The following CDH18 variants were observed in gnomAD, a reference collection of about 807,000 sequenced individuals.
The protein encoded by CDH18 is cadherin 18.
CDH18 carries 31 observed loss-of-function variants against 67.9 expected under a neutral mutation model. The observed-to-expected ratio is 0.46, with a 90% CI of 0.34 to 0.62. The LOEUF is 0.62. CDH18 is among the 20% of genes least tolerant of loss of function. The pLI is 0.01. For missense variants in CDH18, 890 were observed against 975.5 expected (o/e 0.91, Z 1.17); for synonymous variants, 362 against 347.2 (o/e 1.04, Z -0.48).
At chr5:20,319,022 A>T (rs1026672255) in intron 1 of CDH18, among the ~76,000 whole-genome samples, 4 of 152,116 alleles carry the variant, frequency 2.6e-5, no homozygotes, top group Non-Finnish European at 5.9e-5. Flanking sequence ...TTGGAATAGG[A>T]CCCCACGGTC....
At chr5:20,343,906 T>C (rs774893050) in intron 1 of CDH18, among the ~76,000 whole-genome samples, 2 of 152,136 alleles carry the variant, frequency 1.3e-5, no homozygotes, top group Non-Finnish European at 2.9e-5. Context: ...CAAAAGAGGA[T>C]GGGTAAAATA....
chr5:19,495,397 T>G (rs1000601832), intron 11 of CDH18, among the ~76,000 whole-genome samples: 1 of 152,116 alleles, frequency 6.6e-6, no homozygotes, highest in Admixed American at 6.6e-5. Context: ...ATACGCAGTT[T>G]TTGATCGACA....
chr5:19,604,103 T>C (rs1747630369), intron 6 of CDH18, among the ~76,000 whole-genome samples: 1 of 151,930 alleles, frequency 6.6e-6, no homozygotes, highest in South Asian at 2.1e-4. Flanking sequence ...AAGGAAGACA[T>C]GGTGGGAATA....
chr5:20,161,632 A>G (rs959789573), intron 2 of CDH18, among the ~76,000 whole-genome samples: 1 of 151,982 alleles, frequency 6.6e-6, no homozygotes, highest in Admixed American at 6.6e-5. Context: ...AGTTTCTTAA[A>G]CTCAGTTATG....
chr5:19,653,814 A>G (rs1755930114), intron 5 of CDH18, among the ~76,000 whole-genome samples: 1 of 152,098 alleles, frequency 6.6e-6, no homozygotes, highest in Non-Finnish European at 1.5e-5. Flanking sequence ...CATTCTTGTG[A>G]TGGCCTGCAC....
At chr5:20,123,477 T>C (rs1406731966) in intron 2 of CDH18, among the ~76,000 whole-genome samples, 1 of 152,186 alleles carries the variant, frequency 6.6e-6, no homozygotes, top group Admixed American at 6.5e-5. Flanking sequence ...GTCTTAGACC[T>C]ATTTCACAGG....
At chr5:19,853,107 G>A (rs1581652119) in intron 2 of CDH18, among the ~76,000 whole-genome samples, 1 of 152,246 alleles carries the variant, frequency 6.6e-6, no homozygotes, top group East Asian at 1.9e-4. Context: ...AAACACCATA[G>A]TGTAGGTGGC....
At chr5:19,980,403 T>G (rs1244385651) in intron 2 of CDH18, among the ~76,000 whole-genome samples, 2 of 152,190 alleles carry the variant, frequency 1.3e-5, no homozygotes. Flanking sequence ...AGATGTTTTT[T>G]TAATTAAGGA....
intron 1 of CDH18, among the ~76,000 whole-genome samples, chr5:20,444,857 G>C (rs961675048): frequency 5.3e-5 from 8 of 150,910 alleles, no homozygotes; most frequent in African/African-American, 1.7e-4. Context: ...TAAGAGAGAT[G>C]CTTCCAGTCT....
intron 1 of CDH18, among the ~76,000 whole-genome samples, chr5:20,521,084 GAGA>G (rs996920747): frequency 6.6e-5 from 10 of 152,114 alleles, no homozygotes; most frequent in Admixed American, 2.6e-4. Context: ...AAGCCCTAGA[GAGA>G]AGATTAAAAA....
intron 2 of CDH18, among the ~76,000 whole-genome samples, chr5:20,018,225 G>A (rs1172768537): frequency 6.6e-6 from 1 of 152,152 alleles, no homozygotes; most frequent in African/African-American, 2.4e-5. Context: ...TTAATGCATT[G>A]TAAATCCAGA....
chr5:20,519,445 G>A (rs928313901), intron 1 of CDH18, among the ~76,000 whole-genome samples: 4 of 152,068 alleles, frequency 2.6e-5, no homozygotes, highest in Non-Finnish European at 4.4e-5. Context: ...ACAGGAAGGG[G>A]AACATCACAC....
At chr5:19,500,045 G>A (rs1170868675) in intron 11 of CDH18, among the ~76,000 whole-genome samples, 1 of 151,342 alleles carries the variant, frequency 6.6e-6, no homozygotes. Flanking sequence ...AACTTACATA[G>A]GCACAGAAAA....
chr5:19,830,328 T>C (rs62355794), intron 3 of CDH18, among the ~76,000 whole-genome samples: 12,405 of 151,928 alleles, frequency 0.082, 521 homozygotes, highest in African/African-American at 0.1. Context: ...ATATGAAAAT[T>C]AAACAAATTA....
chr5:19,566,121 G>T (rs1210115804), intron 8 of CDH18, among the ~76,000 whole-genome samples: 1 of 151,964 alleles, frequency 6.6e-6, no homozygotes, highest in African/African-American at 2.4e-5. Context: ...CATATAAAAA[G>T]GTGCTTAACA....
At chr5:20,458,561 T>C (rs1751000807) in intron 1 of CDH18, among the ~76,000 whole-genome samples, 1 of 152,138 alleles carries the variant, frequency 6.6e-6, no homozygotes. Context: ...GAGTTTGCAG[T>C]GAGCTGAGGT....
intron 1 of CDH18, among the ~76,000 whole-genome samples, chr5:20,382,414 T>C (rs1316457015): frequency 2.0e-5 from 3 of 151,796 alleles, no homozygotes; most frequent in African/African-American, 4.8e-5. Flanking sequence ...TGCAGAAGAG[T>C]GGTATAGAAT....
At chr5:20,482,689 T>C (rs936434749) in intron 1 of CDH18, among the ~76,000 whole-genome samples, 8 of 152,124 alleles carry the variant, frequency 5.3e-5, no homozygotes, top group African/African-American at 1.9e-4. Context: ...ATAATTTAAA[T>C]TGATGCTGAA....
At chr5:20,400,659 G>A (rs1228445251) in intron 1 of CDH18, among the ~76,000 whole-genome samples, 2 of 151,356 alleles carry the variant, frequency 1.3e-5, no homozygotes, top group Admixed American at 6.6e-5. Flanking sequence ...CTGCTCAGGA[G>A]GCTGAGGCAC....
Sources: allele counts gnomAD v4.1 joint callset (sites outside exome capture counted in the v4.1 genomes callset), GRCh38; gene constraint gnomAD v4.1.1; transcripts MANE v1.5; gene names NCBI Gene and HGNC (gene_info 2026-07-23, HGNC 2026-07-21).